The following RTN4RL1 variants were observed in gnomAD, a reference collection of about 807,000 sequenced individuals.
The protein encoded by RTN4RL1 is reticulon 4 receptor like 1.
A neutral mutation model predicts 25.6 loss-of-function variants in RTN4RL1; 7 were observed. The ratio of observed to expected loss-of-function variants is 0.27; its 90% CI spans 0.16 to 0.51. The LOEUF is 0.51. RTN4RL1 is among the 20% of genes least tolerant of loss of function. RTN4RL1 has a pLI of 0.97. For missense variants in RTN4RL1, 500 were observed against 615.6 expected (o/e 0.81, Z 1.99); for synonymous variants, 297 against 288.2 (o/e 1.03, Z -0.31).
At chr17:1,999,219 G>T (rs1015810953) in intron 1 of RTN4RL1, among the ~76,000 whole-genome samples, 2 of 150,570 alleles carry the variant, frequency 1.3e-5, no homozygotes, top group South Asian at 4.2e-4. Flanking sequence ...AGGCGGAGGC[G>T]GGCGGATCAC....
chr17:1,988,349 G>A (rs1488462923), intron 1 of RTN4RL1, among the ~76,000 whole-genome samples: 3 of 144,724 alleles, frequency 2.1e-5, no homozygotes, highest in African/African-American at 7.7e-5. Flanking sequence ...AGACTGCAGT[G>A]AGCCAAGATG....
At chr17:1,939,098 G>A (rs4077914) in intron 1 of RTN4RL1, among the ~76,000 whole-genome samples, 37,227 of 151,142 alleles carry the variant, frequency 0.25, 4,796 homozygotes, top group Middle Eastern at 0.35. Context: ...CACACCTGTA[G>A]TCTCAGCACT....
At position 2,009,936 on chromosome 17, in the gene RTN4RL1, G is replaced by C. The variant is rs1322377608; in HGVS notation, c.13+14917C>G. On this transcript the variant is annotated intron_variant, in intron 1 of 1. Transcript: ENST00000331238. ...GTAGCAAGCACATGCCTGACGCAGG[G>C]CCTTTGCACCTGCTATTGTTCCTTC... is the stretch of plus-strand genomic sequence containing the variant. 1.6e-5 allele frequency among the ~76,000 whole-genome samples: 2 copies of C among 128,974 alleles called. 1 individual carries two copies. The highest frequency in any genetic ancestry group is 3.3e-5 in the Non-Finnish European group (2 of 61,132). 84.6% of individuals were successfully genotyped at this position (128,974 alleles called of 152,430 possible). A position where few individuals can be genotyped will look rare whatever the true frequency, so the allele number is the denominator to read the frequency against.
intron 1 of RTN4RL1, chr17:2,001,571 A>G (rs1316820586): frequency 6.6e-6 from 1 of 152,208 alleles, no homozygotes; most frequent in Admixed American, 6.5e-5. Context: ...TAAGGTAGGC[A>G]CTATTTATAT....
intron 1 of RTN4RL1, among the ~76,000 whole-genome samples, chr17:1,982,102 C>A (rs955657275): frequency 6.6e-6 from 1 of 150,378 alleles, no homozygotes; most frequent in Non-Finnish European, 1.5e-5. Flanking sequence ...GAGTTCCAGA[C>A]CAGCATGGCC....
At chr17:1,949,783 A>C (rs1915637082) in intron 1 of RTN4RL1, among the ~76,000 whole-genome samples, 1 of 152,344 alleles carries the variant, frequency 6.6e-6, no homozygotes, top group Admixed American at 6.5e-5. Flanking sequence ...GGATCATGGT[A>C]AGTGCTGGGG....
chr17:1,973,815 G>A (rs1300279837), intron 1 of RTN4RL1, among the ~76,000 whole-genome samples: 5 of 152,056 alleles, frequency 3.3e-5, no homozygotes, highest in Admixed American at 3.3e-4. Context: ...GAGACAGGCG[G>A]ATCACCTGAG....
chr17:1,941,820 C>G (rs1915444398), intron 1 of RTN4RL1, among the ~76,000 whole-genome samples: 1 of 152,170 alleles, frequency 6.6e-6, no homozygotes, highest in African/African-American at 2.4e-5. Context: ...CTCTGGTACC[C>G]CCTGCCAGAG....
chr17:1,986,132 G>C (rs936617419), intron 1 of RTN4RL1, among the ~76,000 whole-genome samples: 2 of 152,026 alleles, frequency 1.3e-5, no homozygotes, highest in African/African-American at 4.8e-5. Context: ...TCTCCAGAAG[G>C]TCACAGGAAA....
rs79059928 is a variant in RTN4RL1, at chr17:1,945,102, T to G, written c.14-7294A>C. Among the ~76,000 whole-genome samples the G allele has an allele frequency of 2.1e-3, 325 of 152,300 alleles. 2 individuals carry two copies. The highest frequency in any genetic ancestry group is 7.1e-3 in the African/African-American group (296 of 41,568). On this transcript the variant is annotated intron_variant, in intron 1 of 1. Transcript: ENST00000331238. Reference sequence around the variant, plus strand: ...AGCCTTTTGCACGTGCTGTTCCCTCTGCCTGGAGCGCTTCCCAGGGTGTCT... The same window carrying G: ...AGCCTTTTGCACGTGCTGTTCCCTCGGCCTGGAGCGCTTCCCAGGGTGTCT...
At chr17:1,960,419 C>T (rs961125268) in intron 1 of RTN4RL1, among the ~76,000 whole-genome samples, 27 of 152,208 alleles carry the variant, frequency 1.8e-4, no homozygotes, top group African/African-American at 6.0e-4. Context: ...GCCCACGTCG[C>T]CCTCGTGAGC....
chr17:1,971,339 G>A (rs1348847680), intron 1 of RTN4RL1, among the ~76,000 whole-genome samples: 2 of 152,160 alleles, frequency 1.3e-5, no homozygotes, highest in Admixed American at 6.5e-5. Context: ...CCCCAGTCAC[G>A]CAGAACTGTA....
chr17:1,946,484 G>A (rs1036827870), intron 1 of RTN4RL1, among the ~76,000 whole-genome samples: 1 of 152,104 alleles, frequency 6.6e-6, no homozygotes, highest in African/African-American at 2.4e-5. Context: ...TTGAATGTGT[G>A]TCTGTGGGTG....
intron 1 of RTN4RL1, among the ~76,000 whole-genome samples, chr17:2,012,178 G>A (rs1047733004): frequency 2.6e-5 from 4 of 152,210 alleles, no homozygotes; most frequent in Non-Finnish European, 4.4e-5. Flanking sequence ...CGTTTGCCAC[G>A]GAGTCGATAG....
At chr17:2,016,717 C>T (rs1456960838) in intron 1 of RTN4RL1, among the ~76,000 whole-genome samples, 2 of 152,152 alleles carry the variant, frequency 1.3e-5, no homozygotes, top group Non-Finnish European at 2.9e-5. Context: ...GGCGGGCAGG[C>T]GGGAGGCCGG....
In RTN4RL1 at chr17:2,000,946, G is replaced by A. The variant is rs796354538; in HGVS notation, c.13+23907C>T. Reference sequence around the variant, plus strand: ...TACTGCATGGAAACAGCTGTGGCTCGCAGGCCTTTGTGAGCTGTGGAGGGT... The same window carrying A: ...TACTGCATGGAAACAGCTGTGGCTCACAGGCCTTTGTGAGCTGTGGAGGGT... On this transcript the variant is annotated intron_variant, in intron 1 of 1. Transcript: ENST00000331238. 9.2e-5 allele frequency among the ~76,000 whole-genome samples: 14 copies of A among 152,306 alleles called. No homozygotes were observed. The East Asian group carries it at 1.2e-3, about 13-fold the overall frequency.
intron 1 of RTN4RL1, among the ~76,000 whole-genome samples, chr17:2,023,007 A>G (rs1597263675): frequency 6.6e-6 from 1 of 152,216 alleles, no homozygotes; most frequent in East Asian, 1.9e-4. Context: ...AGGCTGCTGG[A>G]GCCTCCTTGG....
intron 1 of RTN4RL1, among the ~76,000 whole-genome samples, chr17:1,944,802 C>G (rs913038231): frequency 2.6e-5 from 4 of 152,146 alleles, no homozygotes; most frequent in African/African-American, 9.7e-5. Flanking sequence ...ATGGCCACCA[C>G]CCTAGTCTGG....
chr17:1,955,106 C>G (rs952312680), intron 1 of RTN4RL1, among the ~76,000 whole-genome samples: 10 of 152,256 alleles, frequency 6.6e-5, no homozygotes, highest in African/African-American at 1.9e-4. Context: ...AGGGACCTAC[C>G]TCTCACCAGC....
Sources: allele counts gnomAD v4.1 joint callset (sites outside exome capture counted in the v4.1 genomes callset), GRCh38; gene constraint gnomAD v4.1.1; transcripts MANE v1.5; gene names NCBI Gene and HGNC (gene_info 2026-07-23, HGNC 2026-07-21).